NPTN: variants seen among roughly 807,000 people sequenced by gnomAD.
The protein encoded by NPTN is neuroplastin.
In NPTN, 5 loss-of-function variants were observed where a neutral mutation model predicts 42.7. The ratio of observed to expected loss-of-function variants is 0.12; its 90% CI spans 0.06 to 0.25. NPTN has a LOEUF of 0.25. Ranked by LOEUF, NPTN falls within the 10% of genes least tolerant of loss-of-function variation. NPTN has a pLI of 1.00. For missense variants in NPTN, 307 were observed against 525.4 expected, an observed-to-expected ratio of 0.58 and a Z score of 4.06; for synonymous variants, 180 against 201.9, an observed-to-expected ratio of 0.89 and a Z score of 0.92.
At chr15:73,606,123 TC>T (rs1202637235) in intron 1 of NPTN, among the ~76,000 whole-genome samples, 1 of 152,178 alleles carries the variant, frequency 6.6e-6, no homozygotes, top group East Asian at 1.9e-4. Flanking sequence ...GTAAACAGCT[TC>T]ATTATCAAAG....
chr15:73,611,115 T>A (rs960596613), intron 1 of NPTN, among the ~76,000 whole-genome samples: 2 of 152,234 alleles, frequency 1.3e-5, no homozygotes, highest in Non-Finnish European at 2.9e-5. Context: ...GTCCAAAGAA[T>A]ATTTGATATT....
chr15:73,629,279 CT>C (rs1898602787), intron 1 of NPTN, among the ~76,000 whole-genome samples: 2 of 152,172 alleles, frequency 1.3e-5, no homozygotes. Context: ...CAAACTATTT[CT>C]TCTGGTCAAA....
rs1296988090 is a variant in NPTN, at chr15:73,560,953, T to C, written c.*110A>G. 6.6e-6 allele frequency: 1 copy of C among 152,638 alleles called. No homozygotes were observed. The highest frequency in any genetic ancestry group is 1.5e-5 in the Non-Finnish European group (1 of 68,036). 9.5% of individuals were successfully genotyped at this position (152,638 alleles called of 1,614,324 possible). A position where few individuals can be genotyped will look rare whatever the true frequency, so the allele number is the denominator to read the frequency against. ...AATAAGGCATGCTTTAGACAGTCAT[T>C]GTGGTGTTGCTCACTTGAAAGGGGA... On this transcript the variant is annotated 3_prime_UTR_variant, in exon 9 of 9. Transcript: ENST00000345330.
intron 3 of NPTN, among the ~76,000 whole-genome samples, chr15:73,590,607 C>CA (rs1246356308): frequency 0.18 from 17,345 of 94,970 alleles, 1,356 homozygotes; most frequent in African/African-American, 0.3. Context: ...ACAAAAAATA[C>CA]AAAAAAAAAA....
chr15:73,569,414 C>T lies in NPTN; in HGVS notation c.1114+736G>A. The T allele has an allele frequency of 2.0e-6, 2 of 985,882 alleles. No individual in the cohort carries two copies. Among genetic ancestry groups the T allele is most frequent in the Non-Finnish European group, 1.2e-6 (1 of 830,266 alleles). The allele number at this position is 985,882 out of a possible 1,614,324, so 61.1% of individuals were successfully genotyped here. A position where few individuals can be genotyped will look rare whatever the true frequency, so the allele number is the denominator to read the frequency against. On this transcript the variant is annotated intron_variant, in intron 6 of 8. Transcript: ENST00000345330. This position sits in a 1 kb window ranked among gnomAD's most constrained non-coding sequence, Gnocchi z 4.1. Reference sequence around the variant, plus strand: ...TGTGCTGTGGTTCTGCTGCTACCATCTCCTCCCTTCTCTGACCCTAGGCCA... The same window carrying T: ...TGTGCTGTGGTTCTGCTGCTACCATTTCCTCCCTTCTCTGACCCTAGGCCA...
rs1267501418 is a variant in NPTN, at chr15:73,569,303, C to G, written c.1114+847G>C. On this transcript the variant is annotated intron_variant, in intron 6 of 8. Coordinates refer to ENST00000345330, the MANE Select transcript of NPTN (RefSeq NM_012428.4). The surrounding 1 kb of genome is among the most constrained non-coding windows in gnomAD (Gnocchi z 4.1). ...TTCCCCCTTCACAGGAAAAATCGATCACCAAAAATTTCCCAAGGCTTTTCT... is the reference window on the plus strand; with the variant it reads ...TTCCCCCTTCACAGGAAAAATCGATGACCAAAAATTTCCCAAGGCTTTTCT... 12 of 985,426 alleles carry G rather than the reference C, an allele frequency of 1.2e-5. No individual in the cohort carries two copies. The highest frequency in any genetic ancestry group is 1.3e-5 in the Non-Finnish European group (11 of 830,036). The allele number at this position is 985,426 out of a possible 1,614,324, so 61.0% of individuals were successfully genotyped here.
At chr15:73,614,946 C>T (rs1897791664) in intron 1 of NPTN, among the ~76,000 whole-genome samples, 2 of 152,042 alleles carry the variant, frequency 1.3e-5, no homozygotes, top group South Asian at 4.1e-4. Flanking sequence ...AAAATCAAAT[C>T]CCTAATGTCA....
chr15:73,599,746 G>C (rs1414669396), intron 1 of NPTN, among the ~76,000 whole-genome samples: 3 of 152,124 alleles, frequency 2.0e-5, no homozygotes, highest in African/African-American at 7.2e-5. Context: ...TCCCTGAAAT[G>C]CAGTAAAAGT....
intron 1 of NPTN, among the ~76,000 whole-genome samples, chr15:73,622,398 T>C (rs2141471976): frequency 6.6e-6 from 1 of 151,274 alleles, no homozygotes; most frequent in African/African-American, 2.4e-5. Flanking sequence ...AAAAGGGCAA[T>C]CCTTAAACGA....
At chr15:73,568,225 G>A in intron 6 of NPTN, 37 of 985,496 alleles carry the variant, frequency 3.8e-5, no homozygotes, top group Non-Finnish European at 4.5e-5. Flanking sequence ...TAAGCGCGGT[G>A]ACTTCTTAGG....
intron 5 of NPTN, among the ~76,000 whole-genome samples, chr15:73,571,403 A>G (rs1397847849): frequency 3.3e-5 from 5 of 152,224 alleles, no homozygotes. Flanking sequence ...CTTGGCCTCA[A>G]AAGGGAACCA....
chr15:73,579,180 G>A (rs1895862290), intron 4 of NPTN, among the ~76,000 whole-genome samples: 1 of 151,158 alleles, frequency 6.6e-6, no homozygotes, highest in South Asian at 2.1e-4. Context: ...TCGGGAGGCT[G>A]AGGCAGGAGA....
In NPTN at chr15:73,633,309, G is replaced by A. The variant is rs1277477417; in HGVS notation, c.-94C>T. 2 of 944,830 alleles carry A rather than the reference G, an allele frequency of 2.1e-6. No homozygotes were observed. Among genetic ancestry groups the A allele is most frequent in the African/African-American group, 1.7e-5 (1 of 58,238 alleles). 58.5% of individuals were successfully genotyped at this position (944,830 alleles called of 1,614,324 possible). A position where few individuals can be genotyped will look rare whatever the true frequency, so the allele number is the denominator to read the frequency against. ...GGAGGGAGGGGGCGGGCGAGTGCGC[G>A]AGGGAGTGAGCGAGGGAGGCAGCCG... is the stretch of plus-strand genomic sequence containing the variant. On this transcript the variant is annotated 5_prime_UTR_variant, in exon 1 of 9. Coordinates refer to ENST00000345330, the MANE Select transcript of NPTN (RefSeq NM_012428.4).
intron 1 of NPTN, among the ~76,000 whole-genome samples, chr15:73,627,760 C>A (rs1898496544): frequency 6.6e-6 from 1 of 152,142 alleles, no homozygotes; most frequent in Non-Finnish European, 1.5e-5. Context: ...AATTTTGACT[C>A]TCCTTCCTAA....
At chr15:73,586,069 CAGTT>C (rs1304342758) in intron 4 of NPTN, among the ~76,000 whole-genome samples, 1 of 152,228 alleles carries the variant, frequency 6.6e-6, no homozygotes, top group African/African-American at 2.4e-5. Flanking sequence ...CTAACGATTA[CAGTT>C]AGTTAGGACT....
At chr15:73,576,072 T>C (rs1220548422) in intron 4 of NPTN, among the ~76,000 whole-genome samples, 1 of 152,190 alleles carries the variant, frequency 6.6e-6, no homozygotes, top group Non-Finnish European at 1.5e-5. Context: ...TCTCAGAGCT[T>C]ACTTCAGTCC....
chr15:73,594,864 T>C lies in NPTN; in HGVS notation c.439+2158A>G, dbSNP rs532719913. Among the ~76,000 whole-genome samples the C allele has an allele frequency of 1.4e-4, 21 of 150,632 alleles. No homozygotes were observed. In the South Asian group the frequency reaches 4.0e-3, roughly 29 times the overall value. On this transcript the variant is annotated intron_variant, in intron 2 of 8. Coordinates refer to ENST00000345330, the MANE Select transcript of NPTN (RefSeq NM_012428.4). ...GTACTACCAGGAGGTCATTCTTAGA[T>C]AGAACACCTGATGTCCCCATAGAGC... is the stretch of plus-strand genomic sequence containing the variant.
At chr15:73,631,103 C>T (rs1898714025) in intron 1 of NPTN, among the ~76,000 whole-genome samples, 5 of 152,130 alleles carry the variant, frequency 3.3e-5, no homozygotes, top group Admixed American at 2.6e-4. Context: ...TATCCAGAAA[C>T]CTTGCTTTAG....
At chr15:73,591,568 G>A (rs1231267781) in intron 3 of NPTN, 1 of 155,046 alleles carries the variant, frequency 6.4e-6, no homozygotes, top group Non-Finnish European at 1.4e-5. Flanking sequence ...AGATGGCTTA[G>A]GGAGATGTCT....
Sources: gnomAD v4.1 joint callset for allele counts (sites outside exome capture counted in the v4.1 genomes callset) on GRCh38, gnomAD v4.1.1 for gene constraint, Gnocchi (gnomAD v3.1) non-coding constraint, MANE v1.5 for transcripts, NCBI Gene and HGNC (gene_info 2026-07-23, HGNC 2026-07-21) for gene names.